The following FAXC variants were observed in gnomAD, a reference collection of about 807,000 sequenced individuals.
FAXC encodes failed axon connections homolog.
Under a neutral mutation model 41.9 loss-of-function variants are expected in FAXC, and 10 were observed. That is an observed-to-expected ratio of 0.24 (90% CI 0.15 to 0.41). The LOEUF is 0.41. Among genes scored for constraint, FAXC ranks in the 10% least tolerant of loss-of-function variants. The pLI is 1.00. For missense variants in FAXC, 399 were observed against 510.9 expected (o/e 0.78, Z 2.11); for synonymous variants, 183 against 183.8 (o/e 1.00, Z 0.03).
At position 99,281,432 on chromosome 6, in the gene FAXC, A is replaced by G; in HGVS notation, c.962T>C (p.Met321Thr). ...TTTCCTCCTTATCCTCTCACAGTAC[A>G]TGGCAAGGTTGATCAGCTCACCTGC... Reference protein sequence around the residue: ...LIKGELINLAMYCERIRRKFW... With the variant: ...LIKGELINLATYCERIRRKFW... Residue 321 changes from methionine to threonine, a missense_variant, in exon 6 of 6, where the codon ATG (methionine) becomes ACG (threonine). By Grantham distance (81) the Met-to-Thr change is moderately conservative. Coordinates refer to ENST00000389677, the MANE Select transcript of FAXC (RefSeq NM_032511.4). The G allele has an allele frequency of 6.2e-7, 1 of 1,613,344 alleles. No homozygotes were observed. The highest frequency in any genetic ancestry group is 1.1e-5 in the South Asian group (1 of 91,068).
chr6:99,338,371 G>C (rs1773294208), intron 2 of FAXC, among the ~76,000 whole-genome samples: 1 of 152,188 alleles, frequency 6.6e-6, no homozygotes, highest in Non-Finnish European at 1.5e-5. Flanking sequence ...ACAGGCAGCT[G>C]CTCTAAAATG....
intron 4 of FAXC, among the ~76,000 whole-genome samples, chr6:99,305,881 GT>G (rs1174166131): frequency 6.6e-6 from 1 of 152,036 alleles, no homozygotes; most frequent in Non-Finnish European, 1.5e-5. Flanking sequence ...ATGGCTCTGG[GT>G]GAGTGGGATA....
At chr6:99,349,954 G>T (rs1773750759), upstream of FAXC, 1 of 152,138 alleles carries the variant, frequency 6.6e-6, no homozygotes, top group Non-Finnish European at 1.5e-5. Context: ...ACCCCGGCCG[G>T]CCCTCCGCCT....
intron 4 of FAXC, among the ~76,000 whole-genome samples, chr6:99,318,686 T>C (rs1772468168): frequency 6.6e-6 from 1 of 152,242 alleles, no homozygotes; most frequent in Admixed American, 6.5e-5. Flanking sequence ...GGTCAGGCCC[T>C]GCAGTAAGTA....
At chr6:99,308,107 G>A (rs1478156504) in intron 4 of FAXC, among the ~76,000 whole-genome samples, 1 of 152,124 alleles carries the variant, frequency 6.6e-6, no homozygotes, top group Admixed American at 6.6e-5. Flanking sequence ...GACCAGCCTG[G>A]CCAACATGGT....
chr6:99,299,845 A>C lies in FAXC; in HGVS notation c.824-8025T>G, dbSNP rs186271407. ...CTTCCTTCACAAAGCCCTTGTTTTCATACTACAAGCATACTCTAAAATCAC... is the reference window on the plus strand; with the variant it reads ...CTTCCTTCACAAAGCCCTTGTTTTCCTACTACAAGCATACTCTAAAATCAC... On this transcript the variant is annotated intron_variant, in intron 4 of 5. Transcript: ENST00000389677. Among the ~76,000 whole-genome samples, 876 of 152,268 alleles carry C rather than the reference A, an allele frequency of 5.8e-3. 15 individuals are homozygous for C. Among genetic ancestry groups the C allele is most frequent in the Admixed American group, 0.036 (556 of 15,276 alleles).
Position 99,349,090 on chromosome 6 carries a change from C to T in FAXC, c.266+17G>A. On this transcript the variant is annotated intron_variant, in intron 1 of 5. Transcript: ENST00000389677. The stretch of plus-strand genomic sequence containing the variant: ...CCCCTCTCTGCGCCCCTGTGCGGGG[C>T]CCTCTCTCCGGCTCACCTAATGACC... 1 of 1,611,904 alleles carries T rather than the reference C, an allele frequency of 6.2e-7. No homozygotes were observed. The highest frequency in any genetic ancestry group is 8.5e-7 in the Non-Finnish European group (1 of 1,179,270).
At chr6:99,286,135 T>C (rs943477850) in intron 5 of FAXC, among the ~76,000 whole-genome samples, 2 of 152,246 alleles carry the variant, frequency 1.3e-5, no homozygotes, top group Non-Finnish European at 2.9e-5. Flanking sequence ...AGATCCATGC[T>C]AGGCGCTGAC....
chr6:99,315,844 C>T (rs1772329728), intron 4 of FAXC, among the ~76,000 whole-genome samples: 6 of 152,190 alleles, frequency 3.9e-5, no homozygotes, highest in Non-Finnish European at 7.3e-5. Flanking sequence ...TTGACCACCA[C>T]TGGTCCACAG....
rs1316515798 is a variant in FAXC, at chr6:99,275,103, A to T, written c.*6061T>A. 1 of 152,210 alleles carries T rather than the reference A, an allele frequency of 6.6e-6. No homozygotes were observed. The highest frequency in any genetic ancestry group is 2.4e-5 in the African/African-American group (1 of 41,452). 9.4% of individuals were successfully genotyped at this position (152,210 alleles called of 1,614,324 possible). ...AAATAAGGAAAAAAGCTTAAGCATTACTAATAAGTGAAAGTTACTCTATTC... is the reference window on the plus strand; with the variant it reads ...AAATAAGGAAAAAAGCTTAAGCATTTCTAATAAGTGAAAGTTACTCTATTC... On this transcript the variant is annotated 3_prime_UTR_variant, in exon 6 of 6. Transcript: ENST00000389677.
upstream of FAXC, chr6:99,349,960 C>G (rs1018506470): frequency 7.9e-5 from 12 of 152,174 alleles, no homozygotes; most frequent in African/African-American, 2.9e-4. Context: ...GCCGGCCCTC[C>G]GCCTGCGCTC....
At chr6:99,313,204 G>C (rs1273779506) in intron 4 of FAXC, among the ~76,000 whole-genome samples, 1 of 152,172 alleles carries the variant, frequency 6.6e-6, no homozygotes, top group Non-Finnish European at 1.5e-5. Context: ...GAGGCAGAAG[G>C]ATCGCTTGAG....
In FAXC at chr6:99,277,122, T is replaced by C. The variant is rs558633934; in HGVS notation, c.*4042A>G. 1 of 152,636 alleles carries C rather than the reference T, an allele frequency of 6.6e-6. No individual in the cohort carries two copies. Among genetic ancestry groups the C allele is most frequent in the Non-Finnish European group, 1.5e-5 (1 of 68,424 alleles). 9.5% of individuals were successfully genotyped at this position (152,636 alleles called of 1,614,324 possible). A position where few individuals can be genotyped will look rare whatever the true frequency, so the allele number is the denominator to read the frequency against. On this transcript the variant is annotated 3_prime_UTR_variant, in exon 6 of 6. Transcript: ENST00000389677. Reference sequence around the variant, plus strand: ...ACAGAGGTGGGCCACATGAGGCTTTTTTAGGCAATGGCAAATGGATCAACC... The same window carrying C: ...ACAGAGGTGGGCCACATGAGGCTTTCTTAGGCAATGGCAAATGGATCAACC...
intron 4 of FAXC, among the ~76,000 whole-genome samples, chr6:99,315,566 T>C (rs1230761982): frequency 6.6e-6 from 1 of 152,208 alleles, no homozygotes; most frequent in Non-Finnish European, 1.5e-5. Flanking sequence ...GGAATTACCC[T>C]TCTGCCTGAA....
At chr6:99,336,083 A>G (rs1288597476) in intron 2 of FAXC, among the ~76,000 whole-genome samples, 1 of 151,844 alleles carries the variant, frequency 6.6e-6, no homozygotes. Flanking sequence ...TTTTTAAAAT[A>G]AAAAAAAATT....
At chr6:99,338,922 C>T (rs1417858989) in intron 2 of FAXC, among the ~76,000 whole-genome samples, 2 of 152,162 alleles carry the variant, frequency 1.3e-5, no homozygotes, top group East Asian at 1.9e-4. Context: ...CCCAAACATC[C>T]CATGTCCTCC....
At chr6:99,334,020 TATGA>T (rs1320357983) in intron 2 of FAXC, among the ~76,000 whole-genome samples, 1 of 152,188 alleles carries the variant, frequency 6.6e-6, no homozygotes, top group Non-Finnish European at 1.5e-5. Context: ...ACCACTACAC[TATGA>T]ATGAACGGTC....
At chr6:99,343,716 T>C (rs971984109) in intron 1 of FAXC, among the ~76,000 whole-genome samples, 1 of 152,174 alleles carries the variant, frequency 6.6e-6, no homozygotes, top group Non-Finnish European at 1.5e-5. Flanking sequence ...GACCCAAGTC[T>C]GTAGGGAATC....
chr6:99,341,190 G>GA (rs1187433307), intron 2 of FAXC, among the ~76,000 whole-genome samples: 1 of 122,096 alleles, frequency 8.2e-6, no homozygotes, highest in African/African-American at 3.3e-5. Flanking sequence ...TTTTAAATGA[G>GA]AAAAAATATC....
Sources: gnomAD v4.1 joint callset for allele counts (sites outside exome capture counted in the v4.1 genomes callset) on GRCh38, gnomAD v4.1.1 for gene constraint, MANE v1.5 for transcripts, NCBI Gene and HGNC (gene_info 2026-07-23, HGNC 2026-07-21) for gene names.